LRP1B: variants seen among roughly 807,000 people sequenced by gnomAD.
The protein encoded by LRP1B is LDL receptor related protein 1B.
Under a neutral mutation model 556.6 loss-of-function variants are expected in LRP1B, and 217 were observed. The ratio of observed to expected loss-of-function variants is 0.39; its 90% CI spans 0.35 to 0.44. The LOEUF (loss-of-function observed/expected upper bound fraction) is 0.44. Ranked by LOEUF, LRP1B falls within the 20% of genes least tolerant of loss-of-function variation. The probability of loss-of-function intolerance (pLI) is 1.00; values close to 1 mark genes in which losing one functional copy is unlikely to be tolerated. For synonymous variants in LRP1B, 2,047 were observed against 1,865.8 expected (o/e 1.10, Z -2.50); for missense variants, 5,053 against 5,620.8 (o/e 0.90, Z 3.23).
At chr2:141,971,213 C>G (rs893898956) in intron 1 of LRP1B, among the ~76,000 whole-genome samples, 1 of 151,458 alleles carries the variant, frequency 6.6e-6, no homozygotes, top group Non-Finnish European at 1.5e-5. Flanking sequence ...AATTTTGTCT[C>G]TTACTAATAT....
chr2:142,074,702 T>C (rs1011752996), intron 1 of LRP1B, among the ~76,000 whole-genome samples: 1 of 152,010 alleles, frequency 6.6e-6, no homozygotes, highest in African/African-American at 2.4e-5. Flanking sequence ...CTCAAGGCCT[T>C]AGGGTTTCCT....
chr2:141,756,583 A>ACAC, intron 2 of LRP1B, among the ~76,000 whole-genome samples: 4 of 142,510 alleles, frequency 2.8e-5, no homozygotes, highest in Admixed American at 7.1e-5. Flanking sequence ...ACACACACAC[A>ACAC]ATCTTATGCC....
chr2:140,602,214 C>A (rs1280760689), intron 41 of LRP1B, among the ~76,000 whole-genome samples: 9 of 141,304 alleles, frequency 6.4e-5, no homozygotes, highest in Admixed American at 3.5e-4. Context: ...TAAAAAAAAA[C>A]AAAGCAAGAG....
At chr2:141,073,705 T>C (rs1048636582) in intron 7 of LRP1B, among the ~76,000 whole-genome samples, 1 of 152,068 alleles carries the variant, frequency 6.6e-6, no homozygotes, top group African/African-American at 2.4e-5. Context: ...TTCACTTTTC[T>C]CCACTTTGGC....
At chr2:140,868,736 A>G (rs1322217214) in intron 25 of LRP1B, among the ~76,000 whole-genome samples, 1 of 152,134 alleles carries the variant, frequency 6.6e-6, no homozygotes, top group Non-Finnish European at 1.5e-5. Context: ...TAGGATGACA[A>G]ATAGGTGATC....
chr2:141,405,057 C>T (rs1690586287), intron 3 of LRP1B, among the ~76,000 whole-genome samples: 2 of 151,908 alleles, frequency 1.3e-5, no homozygotes, highest in African/African-American at 2.4e-5. Context: ...CGCACTACTG[C>T]ACTCCAGCCT....
chr2:141,707,094 G>A (rs1692170221), intron 2 of LRP1B, among the ~76,000 whole-genome samples: 1 of 152,040 alleles, frequency 6.6e-6, no homozygotes. Context: ...ATGTCTACCG[G>A]CATTAGGAAA....
At chr2:141,418,015 T>G (rs1368459940) in intron 3 of LRP1B, among the ~76,000 whole-genome samples, 2 of 152,172 alleles carry the variant, frequency 1.3e-5, no homozygotes, top group Non-Finnish European at 2.9e-5. Flanking sequence ...CTATTAGTCA[T>G]TTGTATGTCT....
At chr2:140,450,234 T>C (rs996380097) in intron 63 of LRP1B, among the ~76,000 whole-genome samples, 1 of 152,138 alleles carries the variant, frequency 6.6e-6, no homozygotes, top group Non-Finnish European at 1.5e-5. Flanking sequence ...TACTTCTAAG[T>C]TGGTGACATA....
chr2:142,005,783 T>C (rs889983863), intron 1 of LRP1B, among the ~76,000 whole-genome samples: 2 of 151,682 alleles, frequency 1.3e-5, no homozygotes, highest in African/African-American at 4.8e-5. Context: ...TTTCTCAGGC[T>C]AGTTTTGGCA....
rs185288452 is a variant in LRP1B, at chr2:141,591,077, T to C, written c.206-110544A>G. On this transcript the variant is annotated intron_variant, in intron 2 of 90. Coordinates refer to ENST00000389484, the MANE Select transcript of LRP1B (RefSeq NM_018557.3). ...TGCCCTCCTGACTGTAATTATGAGA[T>C]AATTTAGCGGTGATACTCTCAGGCC... is the stretch of plus-strand genomic sequence containing the variant. 2.7e-3 allele frequency among the ~76,000 whole-genome samples: 412 copies of C among 152,346 alleles called. 2 individuals are homozygous for C. The highest frequency in any genetic ancestry group is 5.0e-3 in the Non-Finnish European group (341 of 68,032).
chr2:141,432,804 T>C (rs1573939585), intron 3 of LRP1B, among the ~76,000 whole-genome samples: 1 of 150,730 alleles, frequency 6.6e-6, no homozygotes, highest in Non-Finnish European at 1.5e-5. Context: ...TTTTTTTTCT[T>C]GGTCAAGTTA....
At chr2:140,246,155 C>T (rs1365335080) in intron 87 of LRP1B, among the ~76,000 whole-genome samples, 2 of 151,216 alleles carry the variant, frequency 1.3e-5, no homozygotes, top group African/African-American at 4.8e-5. Flanking sequence ...ATATTTTATA[C>T]TTTAATAGTC....
intron 7 of LRP1B, among the ~76,000 whole-genome samples, chr2:141,142,917 ATTAC>A (rs1356202708): frequency 1.3e-4 from 16 of 121,814 alleles, no homozygotes; most frequent in Non-Finnish European, 1.8e-4. Flanking sequence ...AAATTGTCTG[ATTAC>A]TTTTTTTTTT....
intron 11 of LRP1B, among the ~76,000 whole-genome samples, chr2:141,029,775 A>T (rs949717567): frequency 6.6e-6 from 1 of 152,128 alleles, no homozygotes; most frequent in Non-Finnish European, 1.5e-5. Context: ...GCACCAATGC[A>T]GTGGCGGCAG....
chr2:141,400,617 C>T (rs11687134), intron 3 of LRP1B, among the ~76,000 whole-genome samples: 111,672 of 152,054 alleles, frequency 0.73, 41,736 homozygotes, highest in African/African-American at 0.85. Context: ...ATTACAGTAG[C>T]GTCAAGAGCC....
chr2:141,081,324 T>A (rs1699917007), intron 7 of LRP1B, among the ~76,000 whole-genome samples: 1 of 152,174 alleles, frequency 6.6e-6, no homozygotes, highest in Non-Finnish European at 1.5e-5. Flanking sequence ...TACACTTCAC[T>A]TCTGAGCCCC....
At chr2:141,747,389 A>G (rs1159058039) in intron 2 of LRP1B, among the ~76,000 whole-genome samples, 1 of 152,218 alleles carries the variant, frequency 6.6e-6, no homozygotes, top group East Asian at 1.9e-4. Flanking sequence ...ATGTAAGAAA[A>G]TGAAAAATGC....
rs188529683 is a variant in LRP1B, at chr2:141,587,948, C to T, written c.206-107415G>A. On this transcript the variant is annotated intron_variant, in intron 2 of 90. Coordinates refer to ENST00000389484, the MANE Select transcript of LRP1B (RefSeq NM_018557.3). ...CCAAGGTTACTTTTCTTTCTCTACA[C>T]TTAGTTGTTTATCAGATGTAGAAAA... Among the ~76,000 whole-genome samples the T allele has an allele frequency of 2.1e-3, 314 of 152,286 alleles. 1 individual carries two copies. Among genetic ancestry groups the T allele is most frequent in the African/African-American group, 7.3e-3 (305 of 41,578 alleles).
Sources: gnomAD v4.1 joint callset for allele counts (sites outside exome capture counted in the v4.1 genomes callset) on GRCh38, gnomAD v4.1.1 for gene constraint, MANE v1.5 for transcripts, NCBI Gene and HGNC (gene_info 2026-07-23, HGNC 2026-07-21) for gene names.